The following LTBP4 variants were observed in gnomAD, a reference collection of about 807,000 sequenced individuals.
LTBP4 encodes the protein latent-transforming growth factor beta-binding protein 4.
A neutral mutation model predicts 180.2 loss-of-function variants in LTBP4; 93 were observed. The ratio of observed to expected loss-of-function variants is 0.52; its 90% CI spans 0.44 to 0.61. The LOEUF is 0.61. LTBP4 is among the 20% of genes least tolerant of loss of function. LTBP4 has a pLI of 0.00. For missense variants in LTBP4, 2,116 were observed against 2,256.5 expected (o/e 0.94, Z 1.26); for synonymous variants, 947 against 934.5 (o/e 1.01, Z -0.24).
At chr19:40,614,519 G>A (rs924656708) in intron 19 of LTBP4, 73 bp downstream of exon 19, 43 of 1,525,680 alleles carry the variant, frequency 2.8e-5, no homozygotes, top group Non-Finnish European at 3.7e-5. Context: ...GGGGACTGAG[G>A]AGGGGCGCCC....
intron 9 of LTBP4, chr19:40,608,937 A>G: frequency 4.3e-6 from 1 of 235,254 alleles, no homozygotes; most frequent in East Asian, 1.1e-4. Context: ...CAGGGCATTG[A>G]TGGGGGTATT....
At chr19:40,627,409 A>G in intron 28 of LTBP4, 54 bp downstream of exon 28, 1 of 1,450,100 alleles carries the variant, frequency 6.9e-7, no homozygotes, top group South Asian at 1.4e-5. Flanking sequence ...GTGTGCACGG[A>G]GAGAGGAGGG....
At position 40,627,983 on chromosome 19, in the gene LTBP4, G is replaced by C. The variant is rs11671971; in HGVS notation, c.4519+126G>C. ...ACCTCACTACAGGGGACGGGCCAGC[G>C]CAAAAGGGAGGAGTAATTCTTCCAC... On this transcript the variant is annotated intron_variant, in intron 29 of 29. Transcript: ENST00000396819. 528,760 of 1,281,190 alleles carry C rather than the reference G, an allele frequency of 0.41. 114,332 individuals are homozygous for C. Among genetic ancestry groups the C allele is most frequent in the African/African-American group, 0.74 (49,491 of 67,096 alleles). The allele number at this position is 1,281,190 out of a possible 1,614,324, so 79.4% of individuals were successfully genotyped here.
upstream of LTBP4, chr19:40,599,682 C>A: frequency 1.1e-6 from 1 of 887,644 alleles, no homozygotes; most frequent in Non-Finnish European, 1.7e-6. Flanking sequence ...CTTTCTTTTG[C>A]TATCAGCCTG....
chr19:40,610,837 T>C (rs1419075958), intron 12 of LTBP4, 180 bp downstream of exon 12: 11 of 947,192 alleles, frequency 1.2e-5, no homozygotes, highest in Admixed American at 3.0e-5. Context: ...AGAGGCCAAG[T>C]GATGGGAAAC....
In LTBP4 at chr19:40,601,655, G is replaced by C; in HGVS notation, c.250+18G>C. The C allele has an allele frequency of 3.0e-6, 4 of 1,342,654 alleles. No individual in the cohort carries two copies. The highest frequency in any genetic ancestry group is 3.8e-6 in the Non-Finnish European group (4 of 1,050,696). 83.2% of individuals were successfully genotyped at this position (1,342,654 alleles called of 1,614,324 possible). A position where few individuals can be genotyped will look rare whatever the true frequency, so the allele number is the denominator to read the frequency against. On this transcript the variant is annotated intron_variant, in intron 1 of 29. Transcript: ENST00000396819. ...CCGCGCCTGTGAGTGCGGGGTGGTG[G>C]TCCCGAGAGAGCGGCTCCGGGGGGG...
In LTBP4 at chr19:40,608,535, C is replaced by T. The variant is rs1178956015; in HGVS notation, c.1358C>T (p.Pro453Leu). 2.5e-6 allele frequency: 4 copies of T among 1,606,340 alleles called. 1 individual carries two copies. The Admixed American group carries it at 5.1e-5, about 21-fold the overall frequency. Reference protein sequence around the residue: ...LEPRPEPRPDPRPGPELPLPS... With the variant: ...LEPRPEPRPDLRPGPELPLPS... ...CCCCGGCCTGAACCCCGGCCCGATC[C>T]CCGGCCCGGCCCTGAGCTTCCCTTG... Residue 453 changes from proline (P) to leucine (L), a missense_variant, in exon 9 of 30, where the codon CCC (proline) becomes CTC (leucine). Physicochemically the swap from Pro to Leu is moderately conservative, Grantham distance 98. This residue lies in a region of LTBP4 where 877 missense variants were observed against 873.6 expected (regional missense o/e 1.00). Coordinates refer to ENST00000396819, the MANE Select transcript of LTBP4 (RefSeq NM_001042545.2).
intron 19 of LTBP4, among the ~76,000 whole-genome samples, chr19:40,616,322 G>A (rs2081548913): frequency 7.4e-6 from 1 of 134,500 alleles, no homozygotes; most frequent in Non-Finnish European, 1.5e-5. Flanking sequence ...TGGATGGGGT[G>A]GCTCATGCCT....
Position 40,612,180 on chromosome 19 carries a change from G to A in LTBP4, c.2287G>A (p.Gly763Ser). Residue 763 changes from glycine (G) to serine (S), a missense_variant, in exon 15 of 30, where the codon GGC (glycine) becomes AGC (serine). Coordinates refer to ENST00000396819, the MANE Select transcript of LTBP4 (RefSeq NM_001042545.2). ...TCCTTCTGGCCACCACCTGCACCGTGGCAGATGCACTGGTGAGACCAGGCC... is the reference window on the plus strand; with the variant it reads ...TCCTTCTGGCCACCACCTGCACCGTAGCAGATGCACTGGTGAGACCAGGCC... The part of the protein sequence containing the change: ...TCPSGHHLHR[G>S]RCTDVDECSS... 1 of 1,605,666 alleles carries A rather than the reference G, an allele frequency of 6.2e-7. No individual in the cohort carries two copies.
chr19:40,612,289 G>A (rs1187507823), intron 15 of LTBP4, 97 bp downstream of exon 15: 2 of 1,445,786 alleles, frequency 1.4e-6, no homozygotes, highest in African/African-American at 1.4e-5. Context: ...CTCCTGACCT[G>A]GACCTCAGTC....
intron 1 of LTBP4, among the ~76,000 whole-genome samples, chr19:40,594,843 A>T (rs1336557109): frequency 4.6e-5 from 7 of 151,442 alleles, no homozygotes; most frequent in Admixed American, 1.3e-4. Flanking sequence ...CGTGTGAGTC[A>T]GCCTGTGTGT....
chr19:40,613,586 C>T lies in LTBP4; in HGVS notation c.2557+57C>T, dbSNP rs2081524418. ...AGGGTGGGCTTAGGGCAGGAAAAGG[C>T]GGGACGGGGAGAAGAGGGCGAAAAG... is the stretch of plus-strand genomic sequence containing the variant. On this transcript the variant is annotated intron_variant, in intron 17 of 29. Transcript: ENST00000396819. The surrounding 1 kb of genome is among the most constrained non-coding windows in gnomAD (Gnocchi z 5.0). 3 of 1,544,106 alleles carry T rather than the reference C, an allele frequency of 1.9e-6. No individual in the cohort carries two copies. The African/African-American group carries it at 4.1e-5, about 21-fold the overall frequency.
chr19:40,627,466 A>G, intron 28 of LTBP4, 111 bp downstream of exon 28: 1 of 1,358,608 alleles, frequency 7.4e-7, no homozygotes, highest in Non-Finnish European at 9.7e-7. Flanking sequence ...GTGCAACTGG[A>G]GAGAGCCACA....
In LTBP4 at chr19:40,611,401, G is replaced by A; in HGVS notation, c.2053+7G>A. On this transcript the variant is annotated splice_region_variant and intron_variant, in intron 13 of 29. Coordinates refer to ENST00000396819, the MANE Select transcript of LTBP4 (RefSeq NM_001042545.2). This position sits in a 1 kb window ranked among gnomAD's most constrained non-coding sequence, Gnocchi z 4.4. Reference sequence around the variant, plus strand: ...CCCGGGGCCCCCTGCCAAGGTGAGGGTGCTGAGCCCAGCCCTACTCCATCA... The same window carrying A: ...CCCGGGGCCCCCTGCCAAGGTGAGGATGCTGAGCCCAGCCCTACTCCATCA... 1.2e-6 allele frequency: 2 copies of A among 1,601,666 alleles called. No individual in the cohort carries two copies. Among genetic ancestry groups the A allele is most frequent in the African/African-American group, 2.7e-5 (2 of 74,830 alleles).
At chr19:40,607,630 C>A in intron 7 of LTBP4, 101 bp downstream of exon 7, 1 of 1,353,642 alleles carries the variant, frequency 7.4e-7, no homozygotes, top group Non-Finnish European at 9.9e-7. Flanking sequence ...ACCTGACTGG[C>A]TGGGCTCCAG....
chr19:40,615,190 C>T (rs935608512), intron 19 of LTBP4: 119 of 29,332 alleles, frequency 4.1e-3, no homozygotes, highest in African/African-American at 0.029. Context: ...TTTTTTGTGT[C>T]GGCGGGGGGG....
chr19:40,622,275 TG>T lies in LTBP4; in HGVS notation c.3218-124del. On this transcript the variant is annotated intron_variant, in intron 22 of 29. Transcript: ENST00000396819. This position sits in a 1 kb window ranked among gnomAD's most constrained non-coding sequence, Gnocchi z 5.1. ...AGAGGAGCGTGAGAGGTGTGGAGTC[TG>T]GTTCTGCCACTGATGGCTGCCACCC... is the stretch of plus-strand genomic sequence containing the variant. 1 of 1,042,518 alleles carries T rather than the reference TG, an allele frequency of 9.6e-7. No individual in the cohort carries two copies. Among genetic ancestry groups the T allele is most frequent in the Non-Finnish European group, 1.4e-6 (1 of 735,094 alleles). The allele number at this position is 1,042,518 out of a possible 1,614,324, so 64.6% of individuals were successfully genotyped here. A position where few individuals can be genotyped will look rare whatever the true frequency, so the allele number is the denominator to read the frequency against.
chr19:40,619,256 A>G (rs1252846187), intron 21 of LTBP4, 91 bp from the exon 22 acceptor site: 30 of 1,323,790 alleles, frequency 2.3e-5, no homozygotes, highest in Non-Finnish European at 3.1e-5. Flanking sequence ...AAATATACAC[A>G]TTATATTTGA....
At chr19:40,601,130 G>A (rs1175646607), upstream of LTBP4, among the ~76,000 whole-genome samples, 1 of 152,126 alleles carries the variant, frequency 6.6e-6, no homozygotes, top group Non-Finnish European at 1.5e-5. Flanking sequence ...TCCCCTACAG[G>A]CCCGGTCCAC....
Sources: gnomAD v4.1 joint callset for allele counts (sites outside exome capture counted in the v4.1 genomes callset) on GRCh38, gnomAD v4.1.1 for gene constraint, gnomAD v4.1.1 regional missense constraint, Gnocchi (gnomAD v3.1) non-coding constraint, MANE v1.5 for transcripts, NCBI Gene and HGNC (gene_info 2026-07-23, HGNC 2026-07-21) for gene names.